TRIP12: variants seen among roughly 807,000 people sequenced by gnomAD.
TRIP12 encodes E3 ubiquitin-protein ligase TRIP12.
TRIP12 carries 25 observed loss-of-function variants against 244.2 expected under a neutral mutation model. That is an observed-to-expected ratio of 0.10 (90% confidence interval 0.07 to 0.14). The LOEUF is 0.14. Ranked by LOEUF, TRIP12 falls within the 10% of genes least tolerant of loss-of-function variation. The probability of loss-of-function intolerance (pLI) is 1.00; values close to 1 mark genes in which losing one functional copy is unlikely to be tolerated. For missense variants in TRIP12, 1,677 were observed against 2,486.4 expected (o/e 0.67, Z 6.92); for synonymous variants, 905 against 873.1 (o/e 1.04, Z -0.64).
chr2:229,908,374 A>G (rs1051537435), intron 1 of TRIP12, among the ~76,000 whole-genome samples: 2 of 152,238 alleles, frequency 1.3e-5, no homozygotes, highest in Non-Finnish European at 2.9e-5. Context: ...ATATCTTGGT[A>G]GTATTTTTAC....
intron 34 of TRIP12, among the ~76,000 whole-genome samples, chr2:229,784,839 C>T (rs554597761): frequency 6.6e-6 from 1 of 152,334 alleles, no homozygotes; most frequent in East Asian, 1.9e-4. Context: ...TAAAATGTGA[C>T]AGCCACTTTG....
chr2:229,808,758 T>C lies in TRIP12; in HGVS notation c.2222-389A>G, dbSNP rs566141102. Among the ~76,000 whole-genome samples, 20 of 152,348 alleles carry C rather than the reference T, an allele frequency of 1.3e-4. No individual in the cohort carries two copies. The South Asian group carries it at 3.1e-3, about 24-fold the overall frequency. On this transcript the variant is annotated intron_variant, in intron 15 of 41. Transcript: ENST00000675903. ...CTTCAATTCAAATATACTGAAAATA[T>C]GTGGCCCATAGTATAAAACGTTAAC...
At chr2:229,922,660 G>T (rs376734071), upstream of TRIP12, 6 of 1,588,554 alleles carry the variant, frequency 3.8e-6, no homozygotes, top group Middle Eastern at 1.7e-4. Context: ...ACCTGGCCCG[G>T]TTGGGGCCCG....
chr2:229,813,814 T>C (rs780240364), intron 13 of TRIP12, 56 bp downstream of exon 13: 6 of 1,232,194 alleles, frequency 4.9e-6, no homozygotes, highest in Non-Finnish European at 6.3e-6. Flanking sequence ...AAATATAAAA[T>C]TAAAAAAATT....
chr2:229,894,814 C>T (rs570089155), intron 1 of TRIP12, among the ~76,000 whole-genome samples: 2 of 152,234 alleles, frequency 1.3e-5, no homozygotes, highest in South Asian at 4.1e-4. Context: ...AATTCACATT[C>T]TTGTTAAAAT....
intron 8 of TRIP12, among the ~76,000 whole-genome samples, chr2:229,822,400 C>A (rs1252097966): frequency 6.6e-6 from 1 of 152,168 alleles, no homozygotes; most frequent in Admixed American, 6.5e-5. Context: ...TCTGAGGAGA[C>A]ATAGATTTGC....
intron 1 of TRIP12, among the ~76,000 whole-genome samples, chr2:229,881,905 T>A (rs571325018): frequency 2.2e-4 from 33 of 152,352 alleles, no homozygotes; most frequent in African/African-American, 7.9e-4. Flanking sequence ...GAGTTTAGAA[T>A]GGAAGAAATC....
intron 1 of TRIP12, among the ~76,000 whole-genome samples, chr2:229,883,414 C>CA (rs1391974269): frequency 2.0e-5 from 3 of 152,202 alleles, no homozygotes; most frequent in African/African-American, 7.2e-5. Flanking sequence ...TTTTAAAACA[C>CA]AAGTGGGAAT....
Position 229,865,223 on chromosome 2 carries a change from A to G in TRIP12, c.99-4692T>C, listed in dbSNP as rs117707629. Among the ~76,000 whole-genome samples the G allele has an allele frequency of 3.3e-4, 49 of 150,598 alleles. 1 individual carries two copies. In the East Asian group the frequency reaches 9.6e-3, roughly 30 times the overall value. Reference sequence around the variant, plus strand: ...GCTACTCGGGAAGCTGGGGTGGGGAAGATCACTCGAGCCTAGCAGGTCAAA... The same window carrying G: ...GCTACTCGGGAAGCTGGGGTGGGGAGGATCACTCGAGCCTAGCAGGTCAAA... On this transcript the variant is annotated intron_variant, in intron 2 of 41. Coordinates refer to ENST00000675903, the MANE Select transcript of TRIP12 (RefSeq NM_001348323.3).
intron 6 of TRIP12, among the ~76,000 whole-genome samples, chr2:229,831,765 A>C (rs537552790): frequency 6.6e-6 from 1 of 152,296 alleles, no homozygotes; most frequent in African/African-American, 2.4e-5. Context: ...AGTCTAAGCT[A>C]ATGGAGGTAG....
chr2:229,842,400 G>C (rs1202861176), intron 4 of TRIP12, among the ~76,000 whole-genome samples: 3 of 151,992 alleles, frequency 2.0e-5, no homozygotes, highest in African/African-American at 7.3e-5. Context: ...TAATACATTT[G>C]GCTAATTAGC....
chr2:229,811,422 G>T (rs2047215296), intron 13 of TRIP12, among the ~76,000 whole-genome samples: 1 of 150,646 alleles, frequency 6.6e-6, no homozygotes, highest in African/African-American at 2.5e-5. Flanking sequence ...CTTGTATAAA[G>T]GCCCCTACTA....
rs2031572774 is a variant in TRIP12, at chr2:229,765,928, C to T, written c.*1626G>A. On this transcript the variant is annotated 3_prime_UTR_variant, in exon 42 of 42. Coordinates refer to ENST00000675903, the MANE Select transcript of TRIP12 (RefSeq NM_001348323.3). The stretch of plus-strand genomic sequence containing the variant: ...CCTTCCACTTAATGGGGTCACTGCC[C>T]AAGTGAACTCTCAGGAGGGGACATT... 1 of 152,106 alleles carries T rather than the reference C, an allele frequency of 6.6e-6. No homozygotes were observed. The highest frequency in any genetic ancestry group is 6.6e-5 in the Admixed American group (1 of 15,258). The allele number at this position is 152,106 out of a possible 1,614,324, so 9.4% of individuals were successfully genotyped here.
intron 2 of TRIP12, among the ~76,000 whole-genome samples, chr2:229,867,224 G>A (rs1162368356): frequency 2.1e-5 from 3 of 145,568 alleles, no homozygotes; most frequent in Non-Finnish European, 4.5e-5. Context: ...GAAGTGTAGT[G>A]GCATGATCTC....
chr2:229,855,603 T>TAAAAAAAA (rs1166000961), intron 4 of TRIP12, among the ~76,000 whole-genome samples: 2 of 88,696 alleles, frequency 2.3e-5, no homozygotes, highest in East Asian at 3.6e-4. Flanking sequence ...AACAAGGGTT[T>TAAAAAAAA]AAAAAAAAAA....
intron 2 of TRIP12, among the ~76,000 whole-genome samples, chr2:229,875,573 G>C (rs887723004): frequency 2.0e-5 from 3 of 152,200 alleles, no homozygotes; most frequent in Non-Finnish European, 4.4e-5. Flanking sequence ...AAGAGGTCTG[G>C]AAACAAGTCC....
In TRIP12 at chr2:229,893,358, G is replaced by A. The variant is rs572476253; in HGVS notation, c.-49-13230C>T. Among the ~76,000 whole-genome samples the A allele has an allele frequency of 6.6e-5, 10 of 152,278 alleles. No individual in the cohort carries two copies. In the East Asian group the frequency reaches 1.4e-3, roughly 21 times the overall value. On this transcript the variant is annotated intron_variant, in intron 1 of 41. Coordinates refer to ENST00000675903, the MANE Select transcript of TRIP12 (RefSeq NM_001348323.3). Reference sequence around the variant, plus strand: ...AAGTGTTAAGTGTAAAATTCAATGAGTTGTGACAAACACACACACCTATGT... The same window carrying A: ...AAGTGTTAAGTGTAAAATTCAATGAATTGTGACAAACACACACACCTATGT...
intron 4 of TRIP12, among the ~76,000 whole-genome samples, chr2:229,853,348 T>C (rs534074201): frequency 6.6e-6 from 1 of 152,322 alleles, no homozygotes; most frequent in East Asian, 1.9e-4. Context: ...CTGAATCTAA[T>C]TCTGGCCTCT....
rs1292894108 is a variant in TRIP12 at position 229,797,824 on chromosome 2, T to C, written c.3490A>G (p.Ile1164Val). ...KDTISNNREKIKGWIKEQAHK... is the reference protein window; with the variant it reads ...KDTISNNREKVKGWIKEQAHK... ...GCCTGCTCCTTAATCCAACCTTTAATTTTTTCTCTACAAGAAACAAAAAGG... is the reference window on the plus strand; with the variant it reads ...GCCTGCTCCTTAATCCAACCTTTAACTTTTTCTCTACAAGAAACAAAAAGG... Residue 1164 changes from isoleucine (I) to valine (V), a missense_variant, in exon 24 of 42, where the codon ATT becomes GTT. This residue lies in a region of TRIP12 where 572 missense variants were observed against 867.8 expected (regional missense o/e 0.66). Transcript: ENST00000675903. 3.1e-6 allele frequency: 5 copies of C among 1,613,128 alleles called. No homozygotes were observed. In the Admixed American group the frequency reaches 5.0e-5, roughly 16 times the overall value.
Sources: allele counts gnomAD v4.1 joint callset (sites outside exome capture counted in the v4.1 genomes callset), GRCh38; gene constraint gnomAD v4.1.1; regional missense constraint gnomAD v4.1.1; transcripts MANE v1.5; gene names NCBI Gene and HGNC (gene_info 2026-07-23, HGNC 2026-07-21).